The following AMBP variants were observed in gnomAD, a reference collection of about 807,000 sequenced individuals.
AMBP encodes protein AMBP.
AMBP carries 37 observed loss-of-function variants against 46.3 expected under a neutral mutation model. The observed-to-expected ratio is 0.80, with a 90% CI of 0.61 to 1.05. The LOEUF (loss-of-function observed/expected upper bound fraction) is 1.05. AMBP is among the 50% of genes least tolerant of loss of function. The probability of loss-of-function intolerance (pLI) is 0.00; values close to 1 mark genes in which losing one functional copy is unlikely to be tolerated. For synonymous variants in AMBP, 174 were observed against 175.9 expected (o/e 0.99, Z 0.09); for missense variants, 475 against 461.2 (o/e 1.03, Z -0.27).
chr9:114,061,071 C>T lies in AMBP; in HGVS notation c.881G>A (p.Gly294Asp), dbSNP rs1278542148. 3.7e-6 allele frequency: 6 copies of T among 1,614,116 alleles called. No individual in the cohort carries two copies. Among genetic ancestry groups the T allele is most frequent in the Non-Finnish European group, 5.1e-6 (6 of 1,180,006 alleles). ...VAACNLPIVR[G>D]PCRAFIQLWA... Reference sequence around the variant, plus strand: ...GAGCTGGATGAAGGCTCGGCAGGGGCCCCGGACTATGGGGAGATTGCAGGC... The same window carrying T: ...GAGCTGGATGAAGGCTCGGCAGGGGTCCCGGACTATGGGGAGATTGCAGGC... Residue 294 changes from glycine to aspartate, a missense_variant, in exon 9 of 10, where the codon GGC becomes GAC. Gly to Asp is a moderately conservative substitution (Grantham distance 94, BLOSUM62 -1). Around this residue, in one of 3 missense-constraint regions of AMBP, gnomAD observed 293 missense variants for 276.9 expected, o/e 1.06. Coordinates refer to ENST00000265132, the MANE Select transcript of AMBP (RefSeq NM_001633.4).
chr9:114,060,347 G>T, intron 9 of AMBP, 77 bp from the exon 10 acceptor site: 2 of 1,462,164 alleles, frequency 1.4e-6, no homozygotes, highest in Non-Finnish European at 1.9e-6. Context: ...GTCGCCTGGG[G>T]CCAGAAACCT....
chr9:114,076,880 G>T, intron 1 of AMBP, 140 bp from the exon 2 acceptor site: 1 of 1,110,352 alleles, frequency 9.0e-7, no homozygotes, highest in Non-Finnish European at 1.3e-6. Flanking sequence ...AAGGGATAAT[G>T]TCTTACAACT....
chr9:114,074,962 G>A lies in AMBP; in HGVS notation c.335C>T (p.Ser112Phe). ...DTDGKFLYHK[S>F]KWNITMESYV... ...GTGTCTCTTTCCACTCCACTTACTGGATTTGTGATAGAGAAACTTCCCATC... is the reference window on the plus strand; with the variant it reads ...GTGTCTCTTTCCACTCCACTTACTGAATTTGTGATAGAGAAACTTCCCATC... Residue 112 changes from serine to phenylalanine, a missense_variant and splice_region_variant, in exon 3 of 10, where the codon TCC becomes TTC. By Grantham distance (155) the Ser-to-Phe change is radical. Coordinates refer to ENST00000265132, the MANE Select transcript of AMBP (RefSeq NM_001633.4). 6.8e-6 allele frequency: 11 copies of A among 1,613,722 alleles called. No individual in the cohort carries two copies. Among genetic ancestry groups the A allele is most frequent in the Non-Finnish European group, 9.3e-6 (11 of 1,179,644 alleles).
chr9:114,074,573 C>A (rs1270788220), intron 3 of AMBP, among the ~76,000 whole-genome samples: 1 of 152,236 alleles, frequency 6.6e-6, no homozygotes, highest in African/African-American at 2.4e-5. Context: ...GCACATAGAG[C>A]ATATTCAATA....
At chr9:114,062,360 C>A (rs1846648500) in intron 7 of AMBP, among the ~76,000 whole-genome samples, 1 of 152,182 alleles carries the variant, frequency 6.6e-6, no homozygotes, top group African/African-American at 2.4e-5. Context: ...TGATGTTTAG[C>A]CCCACAGGCT....
intron 6 of AMBP, among the ~76,000 whole-genome samples, chr9:114,069,044 TCACATATATTTATATATATA>T (rs1231234639): frequency 6.6e-6 from 1 of 151,706 alleles, no homozygotes; most frequent in East Asian, 1.9e-4. Context: ...CAAATAAATA[TCACATATATTTATATATATA>T]CACATATATA....
At chr9:114,073,493 GTTTT>G (rs59522385) in intron 4 of AMBP, among the ~76,000 whole-genome samples, 6 of 107,296 alleles carry the variant, frequency 5.6e-5, no homozygotes, top group Non-Finnish European at 7.7e-5. Flanking sequence ...CTCAATCCCT[GTTTT>G]TTTTTTTTTT....
chr9:114,060,345 G>A (rs980624203), intron 9 of AMBP, 75 bp from the exon 10 acceptor site: 22 of 1,500,182 alleles, frequency 1.5e-5, no homozygotes, highest in Middle Eastern at 1.7e-4. Context: ...CTGTCGCCTG[G>A]GGCCAGAAAC....
At chr9:114,073,493 G>GTTTTTTTTT (rs59522385) in intron 4 of AMBP, among the ~76,000 whole-genome samples, 7 of 107,298 alleles carry the variant, frequency 6.5e-5, no homozygotes, top group African/African-American at 2.5e-4. Flanking sequence ...CTCAATCCCT[G>GTTTTTTTTT]TTTTTTTTTT....
At chr9:114,068,030 CAG>C (rs1248552892) in intron 6 of AMBP, among the ~76,000 whole-genome samples, 1 of 152,138 alleles carries the variant, frequency 6.6e-6, no homozygotes, top group African/African-American at 2.4e-5. Context: ...ATTATGGAGA[CAG>C]AGAAGACGGG....
At chr9:114,070,688 T>G (rs890788889) in intron 5 of AMBP, among the ~76,000 whole-genome samples, 1 of 149,972 alleles carries the variant, frequency 6.7e-6, no homozygotes, top group African/African-American at 2.5e-5. Flanking sequence ...GACCCTGGGG[T>G]GGGAAATGGG....
chr9:114,069,849 C>T (rs750930735), intron 5 of AMBP, 104 bp from the exon 6 acceptor site: 7 of 1,234,226 alleles, frequency 5.7e-6, no homozygotes, highest in South Asian at 3.8e-5. Flanking sequence ...GGGAACTTGT[C>T]GTGCCTTAGT....
intron 6 of AMBP, among the ~76,000 whole-genome samples, chr9:114,066,549 C>T (rs1239405455): frequency 3.3e-5 from 5 of 152,074 alleles, no homozygotes; most frequent in Non-Finnish European, 7.4e-5. Context: ...AGAGAAAATC[C>T]AAGCCTACAG....
intron 6 of AMBP, among the ~76,000 whole-genome samples, chr9:114,067,770 G>A (rs530499429): frequency 6.6e-5 from 10 of 151,924 alleles, no homozygotes; most frequent in Non-Finnish European, 1.2e-4. Context: ...AGGAACACGC[G>A]ACCCAAGACT....
chr9:114,074,770 G>A (rs1189518262), intron 3 of AMBP, among the ~76,000 whole-genome samples, 190 bp downstream of exon 3: 2 of 152,120 alleles, frequency 1.3e-5, no homozygotes, highest in African/African-American at 4.8e-5. Flanking sequence ...TGGGGGCAGG[G>A]AAGGAGAGAG....
At chr9:114,061,889 A>G (rs933148772) in intron 7 of AMBP, among the ~76,000 whole-genome samples, 5 of 152,026 alleles carry the variant, frequency 3.3e-5, no homozygotes, top group Non-Finnish European at 7.4e-5. Flanking sequence ...AAACTCTGTA[A>G]TAGTAGTTGA....
rs780397136 is a variant in AMBP at position 114,074,993 on chromosome 9, C to T, written c.304G>A (p.Asp102Asn). ...EETSGAYEKT[D>N]TDGKFLYHKS... ...TGATAGAGAAACTTCCCATCAGTATCTGTTTTCTCATAAGCTCCAGACGTC... is the reference window on the plus strand; with the variant it reads ...TGATAGAGAAACTTCCCATCAGTATTTGTTTTCTCATAAGCTCCAGACGTC... The change falls in exon 3 of 10, where the codon GAT (aspartate) becomes AAT (asparagine). Residue 102 changes from aspartate (D) to asparagine (N), a missense_variant. By Grantham distance (23) the Asp-to-Asn change is conservative (BLOSUM62 1). Coordinates refer to ENST00000265132, the MANE Select transcript of AMBP (RefSeq NM_001633.4). 1.2e-6 allele frequency: 2 copies of T among 1,614,134 alleles called. No individual in the cohort carries two copies. The highest frequency in any genetic ancestry group is 1.7e-6 in the Non-Finnish European group (2 of 1,180,022).
intron 4 of AMBP, 140 bp from the exon 5 acceptor site, chr9:114,073,166 A>G: frequency 1.4e-6 from 1 of 705,272 alleles, no homozygotes; most frequent in Non-Finnish European, 2.3e-6. Flanking sequence ...GATACACTGA[A>G]GGAAAGACAG....
chr9:114,063,658 A>G (rs1441835396), intron 6 of AMBP, among the ~76,000 whole-genome samples: 1 of 152,196 alleles, frequency 6.6e-6, no homozygotes, highest in Admixed American at 6.5e-5. Context: ...GAAACAGAAG[A>G]ACACTTAAAC....
Sources: allele counts gnomAD v4.1 joint callset (sites outside exome capture counted in the v4.1 genomes callset), GRCh38; gene constraint gnomAD v4.1.1; regional missense constraint gnomAD v4.1.1; transcripts MANE v1.5; gene names NCBI Gene and HGNC (gene_info 2026-07-23, HGNC 2026-07-21).